Variants in PPP2CB observed in about 807,000 individuals in gnomAD.
PPP2CB encodes serine/threonine-protein phosphatase 2A catalytic subunit beta isoform.
Under a neutral mutation model 39.1 loss-of-function variants are expected in PPP2CB, and 18 were observed. The ratio of observed to expected loss-of-function variants is 0.46; its 90% confidence interval spans 0.32 to 0.68. The LOEUF is 0.68. Among genes scored for constraint, PPP2CB ranks in the 30% least tolerant of loss-of-function variants. The probability of loss-of-function intolerance (pLI) is 0.04; values close to 1 mark genes in which losing one functional copy is unlikely to be tolerated. For synonymous variants in PPP2CB, 129 were observed against 133.8 expected (o/e 0.96, Z 0.25); for missense variants, 226 against 396.9 (o/e 0.57, Z 3.66).
intron 1 of PPP2CB, among the ~76,000 whole-genome samples, chr8:30,809,112 C>T (rs1416361965): frequency 2.0e-5 from 3 of 151,070 alleles, no homozygotes; most frequent in Non-Finnish European, 4.4e-5. Flanking sequence ...CAGAGTTTTG[C>T]CATGTTGGCC....
chr8:30,789,375 G>C (rs925113232), intron 6 of PPP2CB, among the ~76,000 whole-genome samples: 1 of 152,210 alleles, frequency 6.6e-6, no homozygotes, highest in Non-Finnish European at 1.5e-5. Flanking sequence ...CTGAGGGGCT[G>C]TCTCTGGGTA....
Position 30,791,207 on chromosome 8 carries a change from T to C in PPP2CB, c.847A>G (p.Lys283Glu). ...TTTACAGTTACTCACAAGGAATATT[T>C]TAAAGTGTCATCTAATTCCATGATA... is the stretch of plus-strand genomic sequence containing the variant. The part of the protein sequence containing the change: ...AAIMELDDTL[K>E]YSFLQFDPAP... Residue 283 changes from lysine (K) to glutamate (E), a missense_variant, in exon 6 of 7, where the codon AAA becomes GAA. Physicochemically the swap from Lys to Glu is moderately conservative, Grantham distance 56. This residue lies in a region of PPP2CB where 56 missense variants were observed against 92.0 expected (regional missense o/e 0.61). Transcript: ENST00000221138. 1 of 1,598,946 alleles carries C rather than the reference T, an allele frequency of 6.3e-7. No individual in the cohort carries two copies. Among genetic ancestry groups the C allele is most frequent in the South Asian group, 1.1e-5 (1 of 88,104 alleles).
At chr8:30,805,899 CA>C (rs1039307152) in intron 1 of PPP2CB, among the ~76,000 whole-genome samples, 3 of 152,116 alleles carry the variant, frequency 2.0e-5, no homozygotes, top group Non-Finnish European at 4.4e-5. Context: ...AGTCAAAAAA[CA>C]GTTTACAAGG....
chr8:30,799,477 C>T lies in PPP2CB; in HGVS notation c.312+69G>A. On this transcript the variant is annotated intron_variant, in intron 2 of 6. Coordinates refer to ENST00000221138, the MANE Select transcript of PPP2CB (RefSeq NM_001009552.2). ...AACAGACCATAAAACAGATGATATG[C>T]AATACTGTCATTCTTGCCTTTTGCC... The T allele has an allele frequency of 2.4e-6, 3 of 1,263,378 alleles. No homozygotes were observed. In the South Asian group the frequency reaches 3.9e-5, roughly 16 times the overall value. The allele number at this position is 1,263,378 out of a possible 1,614,324, so 78.3% of individuals were successfully genotyped here. A position where few individuals can be genotyped will look rare whatever the true frequency, so the allele number is the denominator to read the frequency against.
intron 6 of PPP2CB, among the ~76,000 whole-genome samples, chr8:30,789,283 G>C (rs1474696230): frequency 6.6e-6 from 1 of 152,156 alleles, no homozygotes; most frequent in African/African-American, 2.4e-5. Flanking sequence ...GCCCACCTCG[G>C]CTTCCCAAAG....
rs5890535 is a variant in PPP2CB, at chr8:30,801,535, G to GA, written c.103-1781dup. Among the ~76,000 whole-genome samples the GA allele has an allele frequency of 3.8e-3, 487 of 129,638 alleles. 7 individuals carry two copies. Among genetic ancestry groups the GA allele is most frequent in the Middle Eastern group, 8.3e-3 (2 of 240 alleles). 85.0% of individuals were successfully genotyped at this position (129,638 alleles called of 152,430 possible). A position where few individuals can be genotyped will look rare whatever the true frequency, so the allele number is the denominator to read the frequency against. On this transcript the variant is annotated intron_variant, in intron 1 of 6. Coordinates refer to ENST00000221138, the MANE Select transcript of PPP2CB (RefSeq NM_001009552.2). ...GGCGACAGAGCAAAACTCAGTCACA[G>GA]AAAAAAAAAAAAAAAGTCAAACAGG...
At chr8:30,792,794 A>G (rs1806460478) in intron 5 of PPP2CB, among the ~76,000 whole-genome samples, 1 of 152,036 alleles carries the variant, frequency 6.6e-6, no homozygotes, top group African/African-American at 2.4e-5. Context: ...ATAACAGCTA[A>G]ATTTTGATTA....
At position 30,786,290 on chromosome 8, in the gene PPP2CB, G is replaced by A. The variant is rs866002471; in HGVS notation, c.875C>T (p.Ala292Val). Residue 292 changes from alanine (A) to valine (V), a missense_variant, in exon 7 of 7, where the codon GCG becomes GTG. By Grantham distance (64) the Ala-to-Val change is moderately conservative (BLOSUM62 0). This residue lies in a region of PPP2CB where 56 missense variants were observed against 92.0 expected (regional missense o/e 0.61). Coordinates refer to ENST00000221138, the MANE Select transcript of PPP2CB (RefSeq NM_001009552.2). ...LKYSFLQFDP[A>V]PRRGEPHVTR... Reference sequence around the variant, plus strand: ...AACATGAGGCTCACCACGACGAGGCGCTGGGTCAAATTGAAGGCTGTAAAT... The same window carrying A: ...AACATGAGGCTCACCACGACGAGGCACTGGGTCAAATTGAAGGCTGTAAAT... The A allele has an allele frequency of 6.3e-7, 1 of 1,578,164 alleles. No homozygotes were observed.
rs1307181534 is a variant in PPP2CB at position 30,786,723 on chromosome 8, G to A, written c.858-416C>T. Among the ~76,000 whole-genome samples, 4 of 148,600 alleles carry A rather than the reference G, an allele frequency of 2.7e-5. No individual in the cohort carries two copies. The Admixed American group carries it at 2.7e-4, about 10-fold the overall frequency. ...CTGTCGCCCAGGCTGGAGTGCACTG[G>A]CACGATCTCGGCTTATTGCAAGCTC... On this transcript the variant is annotated intron_variant, in intron 6 of 6. Transcript: ENST00000221138.
rs1563214858 is a variant in PPP2CB, at chr8:30,794,094, AAGTACATG to A, written c.577-24_577-17del. ...ACATTGGGCCCTGGCCAAGAAAAAT[AAGTACATG>A]TTACAAATTATTATCAGTCATACTT... is the stretch of plus-strand genomic sequence containing the variant. On this transcript the variant is annotated splice_polypyrimidine_tract_variant and intron_variant, in intron 4 of 6. Coordinates refer to ENST00000221138, the MANE Select transcript of PPP2CB (RefSeq NM_001009552.2). 1 of 1,602,930 alleles carries A rather than the reference AAGTACATG, an allele frequency of 6.2e-7. No individual in the cohort carries two copies. The highest frequency in any genetic ancestry group is 8.5e-7 in the Non-Finnish European group (1 of 1,173,984).
rs1318627158 is a variant in PPP2CB at position 30,812,621 on chromosome 8, G to C, written c.-200C>G. On this transcript the variant is annotated 5_prime_UTR_variant, in exon 1 of 7. Coordinates refer to ENST00000221138, the MANE Select transcript of PPP2CB (RefSeq NM_001009552.2). ...CCAAGCCCAGCAGGCGGCTCCGAGCGCGCAGCCTGGAGGAGACCCCCGCCC... is the reference window on the plus strand; with the variant it reads ...CCAAGCCCAGCAGGCGGCTCCGAGCCCGCAGCCTGGAGGAGACCCCCGCCC... 1 of 328,914 alleles carries C rather than the reference G, an allele frequency of 3.0e-6. No homozygotes were observed. Among genetic ancestry groups the C allele is most frequent in the East Asian group, 5.7e-5 (1 of 17,560 alleles). The allele number at this position is 328,914 out of a possible 1,614,324, so 20.4% of individuals were successfully genotyped here.
At chr8:30,789,782 G>C (rs1413061017) in intron 6 of PPP2CB, among the ~76,000 whole-genome samples, 1 of 152,108 alleles carries the variant, frequency 6.6e-6, no homozygotes, top group African/African-American at 2.4e-5. Flanking sequence ...CATTTCCTGG[G>C]GCTGCCGTAA....
At chr8:30,801,253 C>A (rs1806622412) in intron 1 of PPP2CB, among the ~76,000 whole-genome samples, 1 of 151,830 alleles carries the variant, frequency 6.6e-6, no homozygotes, top group South Asian at 2.1e-4. Flanking sequence ...TCAAACAGGG[C>A]CGGGCACGGT....
At chr8:30,791,497 G>A (rs539015653) in intron 5 of PPP2CB, 182 bp from the exon 6 acceptor site, 140 of 526,450 alleles carry the variant, frequency 2.7e-4, no homozygotes, top group Non-Finnish European at 4.0e-4. Flanking sequence ...TGTGCAATTC[G>A]TGGGCCTAGG....
At chr8:30,808,227 T>C (rs944925776) in intron 1 of PPP2CB, among the ~76,000 whole-genome samples, 6 of 152,010 alleles carry the variant, frequency 3.9e-5, no homozygotes, top group African/African-American at 1.2e-4. Context: ...GCCTCCCGAG[T>C]AGCTGGGACT....
chr8:30,802,415 T>C (rs927792762), intron 1 of PPP2CB, among the ~76,000 whole-genome samples: 2 of 151,870 alleles, frequency 1.3e-5, no homozygotes, highest in South Asian at 2.1e-4. Flanking sequence ...GTCTGGGAGG[T>C]AGGAGGGCAG....
chr8:30,801,078 G>T (rs1383464102), intron 1 of PPP2CB, among the ~76,000 whole-genome samples: 7 of 146,624 alleles, frequency 4.8e-5, no homozygotes, highest in African/African-American at 1.7e-4. Flanking sequence ...GCATGGTGGT[G>T]TGTGCCTATA....
chr8:30,811,462 T>C (rs1455729736), intron 1 of PPP2CB, among the ~76,000 whole-genome samples: 1 of 151,444 alleles, frequency 6.6e-6, no homozygotes, highest in Non-Finnish European at 1.5e-5. Context: ...CCATCACGCC[T>C]ACCTCTCCGC....
chr8:30,799,612 G>A lies in PPP2CB; in HGVS notation c.246C>T (p.Phe82=), dbSNP rs1310413676. ...ATCCTCTGTCTACATAGTCACCCATGAATAAGTAGTTTGTATCCGGTGATT... is the reference window on the plus strand; with the variant it reads ...ATCCTCTGTCTACATAGTCACCCATAAATAAGTAGTTTGTATCCGGTGATT... ...GGKSPDTNYL[F]MGDYVDRGYY... is the part of the protein sequence containing the mutation. The change falls in exon 2 of 7, where the codon TTC becomes TTT. Residue 82 remains phenylalanine (F), a synonymous_variant. Coordinates refer to ENST00000221138, the MANE Select transcript of PPP2CB (RefSeq NM_001009552.2). 1 of 1,613,834 alleles carries A rather than the reference G, an allele frequency of 6.2e-7. No individual in the cohort carries two copies. Among genetic ancestry groups the A allele is most frequent in the East Asian group, 2.2e-5 (1 of 44,876 alleles).
Sources: allele counts gnomAD v4.1 joint callset (sites outside exome capture counted in the v4.1 genomes callset), GRCh38; gene constraint gnomAD v4.1.1; regional missense constraint gnomAD v4.1.1; transcripts MANE v1.5; gene names NCBI Gene and HGNC (gene_info 2026-07-23, HGNC 2026-07-21).